The following KLC1 variants were observed in gnomAD, a reference collection of about 807,000 sequenced individuals.
KLC1 encodes kinesin light chain 1.
A neutral mutation model predicts 84.2 loss-of-function variants in KLC1; 30 were observed. The observed-to-expected ratio is 0.36, with a 90% CI of 0.27 to 0.48. The LOEUF is 0.48. Among genes scored for constraint, KLC1 ranks in the 20% least tolerant of loss-of-function variants. The probability of loss-of-function intolerance (pLI) is 0.99; values close to 1 mark genes in which losing one functional copy is unlikely to be tolerated. For missense variants in KLC1, 499 were observed against 805.4 expected, an observed-to-expected ratio of 0.62 and a Z score of 4.60; for synonymous variants, 289 against 293.3, an observed-to-expected ratio of 0.99 and a Z score of 0.15.
rs994906323 is a variant in KLC1, at chr14:103,698,681, G to A, written c.1849-1974G>A. On this transcript the variant is annotated intron_variant, in intron 15 of 16. Coordinates refer to ENST00000334553, the MANE Select transcript of KLC1 (RefSeq NM_001394837.1). ...AGAAAGTGGAGCCGCTGCCCTGGAA[G>A]AGCTGTGTCTGAACCAGGCTCCCAG... 3.0e-4 allele frequency: 270 copies of A among 912,794 alleles called. 1 individual carries two copies. Among genetic ancestry groups the A allele is most frequent in the Non-Finnish European group, 4.5e-4 (258 of 576,130 alleles). The allele number at this position is 912,794 out of a possible 1,614,324, so 56.5% of individuals were successfully genotyped here. A position where few individuals can be genotyped will look rare whatever the true frequency, so the allele number is the denominator to read the frequency against.
chr14:103,687,002 C>T lies in KLC1; in HGVS notation c.1651-79C>T, dbSNP rs1377830011. The T allele has an allele frequency of 2.4e-6, 3 of 1,251,670 alleles. No individual in the cohort carries two copies. In the African/African-American group the frequency reaches 4.5e-5, roughly 19 times the overall value. The allele number at this position is 1,251,670 out of a possible 1,614,324, so 77.5% of individuals were successfully genotyped here. A position where few individuals can be genotyped will look rare whatever the true frequency, so the allele number is the denominator to read the frequency against. ...CAAGCAGGGCGGCCTTGGTGGAGCT[C>T]TTATTTGCACCCGGTGTGGCTCTTG... On this transcript the variant is annotated intron_variant, in intron 13 of 16. Transcript: ENST00000334553.
chr14:103,666,193 A>T (rs1489588054), intron 5 of KLC1, among the ~76,000 whole-genome samples: 1 of 151,918 alleles, frequency 6.6e-6, no homozygotes, highest in Non-Finnish European at 1.5e-5. Context: ...CCTCCCGAGT[A>T]GCTGGGACTA....
chr14:103,650,115 T>G (rs1490616852), intron 1 of KLC1, among the ~76,000 whole-genome samples: 1 of 152,186 alleles, frequency 6.6e-6, no homozygotes, highest in Non-Finnish European at 1.5e-5. Context: ...TAGGACTTTT[T>G]TTTTTTAAGG....
Position 103,654,905 on chromosome 14 carries a change from T to G in KLC1, c.261+80T>G, listed in dbSNP as rs1026506875. Reference sequence around the variant, plus strand: ...ACTTGTTTGAAATAAGCAGTTTCACTAAAGAAGAGGAAAGATGATTATAGA... The same window carrying G: ...ACTTGTTTGAAATAAGCAGTTTCACGAAAGAAGAGGAAAGATGATTATAGA... On this transcript the variant is annotated intron_variant, in intron 2 of 16. Transcript: ENST00000334553. 3.5e-6 allele frequency: 5 copies of G among 1,444,180 alleles called. No individual in the cohort carries two copies. The Admixed American group carries it at 1.0e-4, about 29-fold the overall frequency. 89.5% of individuals were successfully genotyped at this position (1,444,180 alleles called of 1,614,324 possible).
chr14:103,686,041 C>G, intron 13 of KLC1: 1 of 1,040,156 alleles, frequency 9.6e-7, no homozygotes, highest in Non-Finnish European at 1.2e-6. Context: ...GCACGTGCTC[C>G]GTGGTACTTA....
intron 15 of KLC1, chr14:103,697,682 G>A (rs2082670575): frequency 6.6e-6 from 1 of 152,220 alleles, no homozygotes; most frequent in African/African-American, 2.4e-5. Context: ...GAGGCACTGA[G>A]TGGGGGGTGG....
Position 103,662,816 on chromosome 14 carries a change from A to G in KLC1, c.686A>G (p.Tyr229Cys). 1 of 1,613,066 alleles carries G rather than the reference A, an allele frequency of 6.2e-7. No individual in the cohort carries two copies. The highest frequency in any genetic ancestry group is 8.5e-7 in the Non-Finnish European group (1 of 1,179,822). Reference sequence around the variant, plus strand: ...ATCCAGTACGCCTCGCAGGGGCGCTACGAGGTAGCTGTGCCCCTCTGCAAG... The same window carrying G: ...ATCCAGTACGCCTCGCAGGGGCGCTGCGAGGTAGCTGTGCCCCTCTGCAAG... The part of the protein sequence containing the change: ...LVIQYASQGR[Y>C]EVAVPLCKQA... The change falls in exon 5 of 17, where the codon TAC becomes TGC. Residue 229 changes from tyrosine (Y) to cysteine (C), a missense_variant. Tyr to Cys is a radical substitution (Grantham distance 194, BLOSUM62 -2). This residue lies in a region of KLC1 where 153 missense variants were observed against 332.4 expected (regional missense o/e 0.46). Transcript: ENST00000334553.
chr14:103,673,912 G>A (rs1381997904), intron 9 of KLC1, among the ~76,000 whole-genome samples: 10 of 151,392 alleles, frequency 6.6e-5, no homozygotes, highest in African/African-American at 2.4e-4. Flanking sequence ...AACAGAGTGA[G>A]ACTCTGTCTC....
At chr14:103,681,125 T>C (rs1328313094) in intron 13 of KLC1, among the ~76,000 whole-genome samples, 1 of 152,180 alleles carries the variant, frequency 6.6e-6, no homozygotes, top group African/African-American at 2.4e-5. Context: ...GGACACCTGA[T>C]TCTATAGGCC....
chr14:103,637,604 T>C (rs925231473), intron 1 of KLC1, among the ~76,000 whole-genome samples: 1 of 152,068 alleles, frequency 6.6e-6, no homozygotes, highest in Non-Finnish European at 1.5e-5. Flanking sequence ...AACATCCGCT[T>C]TCCTTAATTC....
chr14:103,668,420 A>T (rs1215530432), intron 5 of KLC1, among the ~76,000 whole-genome samples: 1 of 151,984 alleles, frequency 6.6e-6, no homozygotes, highest in East Asian at 1.9e-4. Context: ...CAGTCCATTT[A>T]TTGGTGGATT....
chr14:103,653,070 T>C (rs1179041847), intron 1 of KLC1, among the ~76,000 whole-genome samples: 1 of 152,188 alleles, frequency 6.6e-6, no homozygotes, highest in African/African-American at 2.4e-5. Context: ...ATTCACTACA[T>C]GGACTTTCTG....
chr14:103,632,614 A>C (rs1189482241), intron 1 of KLC1, among the ~76,000 whole-genome samples: 2 of 152,086 alleles, frequency 1.3e-5, no homozygotes, highest in Non-Finnish European at 2.9e-5. Context: ...GCAGCTACTC[A>C]GAAGGCTGAG....
At chr14:103,663,301 C>T (rs935326419) in intron 5 of KLC1, among the ~76,000 whole-genome samples, 21 of 151,992 alleles carry the variant, frequency 1.4e-4, no homozygotes, top group African/African-American at 5.1e-4. Flanking sequence ...AGGATGGTCT[C>T]GATCTCCTGA....
At chr14:103,639,262 C>T (rs532929003) in intron 1 of KLC1, among the ~76,000 whole-genome samples, 1 of 152,156 alleles carries the variant, frequency 6.6e-6, no homozygotes, top group East Asian at 1.9e-4. Context: ...TCCCAAGTAG[C>T]TGGAACTACA....
intron 4 of KLC1, 31 bp downstream of exon 4, chr14:103,662,225 G>A (rs749006926): frequency 4.6e-6 from 7 of 1,517,460 alleles, no homozygotes; most frequent in East Asian, 2.3e-5. Context: ...GCATGTTACC[G>A]AGTGCAGAAG....
chr14:103,684,715 T>G (rs1003828361), intron 13 of KLC1: 5 of 379,326 alleles, frequency 1.3e-5, no homozygotes, highest in African/African-American at 8.2e-5. Flanking sequence ...AGTGAGCGTG[T>G]GTGCACGCGT....
intron 5 of KLC1, among the ~76,000 whole-genome samples, chr14:103,666,619 C>T (rs1450083997): frequency 3.5e-5 from 5 of 144,512 alleles, no homozygotes; most frequent in Non-Finnish European, 6.0e-5. Flanking sequence ...TTTTCTGAAA[C>T]GAAGTCTTGC....
At chr14:103,643,789 G>T (rs1183956011) in intron 1 of KLC1, among the ~76,000 whole-genome samples, 3 of 152,020 alleles carry the variant, frequency 2.0e-5, no homozygotes, top group Admixed American at 6.6e-5. Flanking sequence ...TTAGCCTGGC[G>T]TGGTGGTGCA....
Sources: gnomAD v4.1 joint callset for allele counts (sites outside exome capture counted in the v4.1 genomes callset) on GRCh38, gnomAD v4.1.1 for gene constraint, gnomAD v4.1.1 regional missense constraint, MANE v1.5 for transcripts, NCBI Gene and HGNC (gene_info 2026-07-23, HGNC 2026-07-21) for gene names.